ACVR1: variants seen among roughly 807,000 people sequenced by gnomAD.
ACVR1 encodes activin receptor type-1.
A neutral mutation model predicts 57.1 loss-of-function variants in ACVR1; 38 were observed. The observed-to-expected ratio is 0.67, with a 90% CI of 0.51 to 0.87. The LOEUF (loss-of-function observed/expected upper bound fraction) is 0.87. Among genes scored for constraint, ACVR1 ranks in the 40% least tolerant of loss-of-function variants. The pLI is 0.00. For synonymous variants in ACVR1, 212 were observed against 228.1 expected (o/e 0.93, Z 0.63); for missense variants, 463 against 638.2 (o/e 0.73, Z 2.96).
chr2:157,861,433 A>G (rs2105377123), intron 1 of ACVR1, among the ~76,000 whole-genome samples: 1 of 152,340 alleles, frequency 6.6e-6, no homozygotes, highest in East Asian at 1.9e-4. Flanking sequence ...CTTCAGCAGG[A>G]GACAGAATGA....
At chr2:157,801,027 A>G (rs1170624685) in intron 2 of ACVR1, among the ~76,000 whole-genome samples, 3 of 152,166 alleles carry the variant, frequency 2.0e-5, no homozygotes, top group East Asian at 1.9e-4. Flanking sequence ...TGTCTAGGGC[A>G]GTCTCCAGCA....
intron 3 of ACVR1, 105 bp from the exon 4 acceptor site, chr2:157,780,705 A>G (rs1472442451): frequency 1.2e-5 from 17 of 1,386,530 alleles, no homozygotes; most frequent in African/African-American, 1.4e-5. Flanking sequence ...CTATCAACAG[A>G]AAGTCAAGCT....
chr2:157,765,392 A>C (rs1049864120), intron 8 of ACVR1, among the ~76,000 whole-genome samples: 1 of 152,246 alleles, frequency 6.6e-6, no homozygotes, highest in Non-Finnish European at 1.5e-5. Context: ...TAGTGAAACC[A>C]AAATGCAACA....
intron 7 of ACVR1, 97 bp downstream of exon 7, chr2:157,770,271 A>T: frequency 1.5e-6 from 2 of 1,366,636 alleles, no homozygotes; most frequent in Non-Finnish European, 2.1e-6. Flanking sequence ...TTTTTAGGAG[A>T]CACTCTCGAA....
chr2:157,738,545 C>A lies in ACVR1; in HGVS notation c.1290G>T (p.Pro430=). The A allele has an allele frequency of 6.2e-7, 1 of 1,614,110 alleles. No homozygotes were observed. The highest frequency in any genetic ancestry group is 8.5e-7 in the Non-Finnish European group (1 of 1,179,986). ...SNGIVEDYKP[P]FYDVVPNDPS... ...GGTCATTGGGAACCACATCGTAGAA[C>A]GGTGGCTTGTAATCCTCCACTATAC... Residue 430 remains proline (P), a synonymous_variant, in exon 10 of 11, where the codon CCG becomes CCT. Transcript: ENST00000434821.
chr2:157,784,977 A>T (rs979209272), intron 3 of ACVR1, among the ~76,000 whole-genome samples: 1 of 152,228 alleles, frequency 6.6e-6, no homozygotes. Flanking sequence ...AACACTGTGG[A>T]CTTACCTATT....
At chr2:157,835,796 A>ATATTGAT (rs1186541480) in intron 1 of ACVR1, among the ~76,000 whole-genome samples, 4 of 152,378 alleles carry the variant, frequency 2.6e-5, no homozygotes, top group African/African-American at 9.6e-5. Flanking sequence ...GAACAAAGGG[A>ATATTGAT]AACCTTCACA....
chr2:157,812,576 GA>G (rs1687787713), intron 2 of ACVR1, among the ~76,000 whole-genome samples: 1 of 152,098 alleles, frequency 6.6e-6, no homozygotes, highest in South Asian at 2.1e-4. Context: ...AGGTAAAAAG[GA>G]AAGGACAAAA....
chr2:157,755,144 G>T (rs189540408), intron 9 of ACVR1, among the ~76,000 whole-genome samples: 2 of 152,226 alleles, frequency 1.3e-5, no homozygotes, highest in East Asian at 3.9e-4. Flanking sequence ...CAAATCTACA[G>T]CCAACATTAT....
chr2:157,838,464 C>A (rs940189793), intron 1 of ACVR1: 1 of 152,046 alleles, frequency 6.6e-6, no homozygotes, highest in Non-Finnish European at 1.5e-5. Context: ...TAAAGAATGT[C>A]TTTTTTATTC....
chr2:157,780,446 A>C lies in ACVR1; in HGVS notation c.222T>G (p.Tyr74Ter). The change falls in exon 4 of 11, where the codon TAT becomes TAG. Residue 74 changes from tyrosine (Y) to a stop codon, truncating the protein, a stop_gained. Transcript: ENST00000434821. LOFTEE classifies it high-confidence loss of function. ...TCTTACAGGTCATCTTTCCCTGCTC[A>C]TAAACCTGGAAGCAGCCTTTCTGGT... is the stretch of plus-strand genomic sequence containing the variant. ...HVYQKGCFQV[Y>*]EQGKMTCKTP... The C allele has an allele frequency of 6.2e-7, 1 of 1,614,162 alleles. No homozygotes were observed. Among genetic ancestry groups the C allele is most frequent in the African/African-American group, 1.3e-5 (1 of 75,026 alleles).
chr2:157,838,898 T>G (rs1010906353), intron 1 of ACVR1, among the ~76,000 whole-genome samples: 16 of 152,276 alleles, frequency 1.1e-4, no homozygotes, highest in African/African-American at 2.6e-4. Flanking sequence ...CCCTCCAACA[T>G]GCAGGTGTCA....
chr2:157,860,711 A>C (rs1284883703), intron 1 of ACVR1, among the ~76,000 whole-genome samples: 1 of 152,168 alleles, frequency 6.6e-6, no homozygotes, highest in Non-Finnish European at 1.5e-5. Context: ...TTTTTAGAAA[A>C]TATAAATCTA....
At chr2:157,763,801 T>G (rs1685753989) in intron 8 of ACVR1, among the ~76,000 whole-genome samples, 1 of 152,236 alleles carries the variant, frequency 6.6e-6, no homozygotes, top group African/African-American at 2.4e-5. Flanking sequence ...TATATACTGG[T>G]AAGTTATATA....
chr2:157,845,366 C>A (rs1025839378), intron 1 of ACVR1, among the ~76,000 whole-genome samples: 1 of 152,164 alleles, frequency 6.6e-6, no homozygotes, highest in Non-Finnish European at 1.5e-5. Flanking sequence ...TGACAAGCAT[C>A]TTTATGAGAG....
At chr2:157,814,653 C>T (rs976389570) in intron 2 of ACVR1, among the ~76,000 whole-genome samples, 4 of 152,172 alleles carry the variant, frequency 2.6e-5, no homozygotes, top group South Asian at 2.1e-4. Context: ...TACACTCACA[C>T]GTTTGAAATG....
chr2:157,822,843 T>C (rs1688207461), intron 1 of ACVR1, among the ~76,000 whole-genome samples: 1 of 152,212 alleles, frequency 6.6e-6, no homozygotes, highest in South Asian at 2.1e-4. Flanking sequence ...TACCTGGCCC[T>C]TTAGAAAGAG....
intron 2 of ACVR1, among the ~76,000 whole-genome samples, chr2:157,816,145 G>A (rs927700543): frequency 1.3e-5 from 2 of 152,070 alleles, no homozygotes; most frequent in Non-Finnish European, 2.9e-5. Context: ...TAATTAATAT[G>A]CATATTTGTT....
intron 1 of ACVR1, among the ~76,000 whole-genome samples, chr2:157,850,251 G>T (rs1426859886): frequency 6.6e-6 from 1 of 152,024 alleles, no homozygotes; most frequent in Non-Finnish European, 1.5e-5. Context: ...TTAGCTAGGT[G>T]TGGTGGTGCA....
Sources: allele counts gnomAD v4.1 joint callset (sites outside exome capture counted in the v4.1 genomes callset), GRCh38; gene constraint gnomAD v4.1.1; transcripts MANE v1.5; gene names NCBI Gene and HGNC (gene_info 2026-07-23, HGNC 2026-07-21).